CYP7B1: variants seen among roughly 807,000 people sequenced by gnomAD.
The protein encoded by CYP7B1 is cytochrome P450 7B1.
A neutral mutation model predicts 42.7 loss-of-function variants in CYP7B1; 29 were observed. That is an observed-to-expected ratio of 0.68 (90% CI 0.51 to 0.93). The LOEUF is 0.93. CYP7B1 is among the 40% of genes least tolerant of loss of function. CYP7B1 has a pLI of 0.00. For missense variants in CYP7B1, 655 were observed against 600.5 expected, an observed-to-expected ratio of 1.09 and a Z score of -0.95; for synonymous variants, 235 against 218.2, an observed-to-expected ratio of 1.08 and a Z score of -0.68.
chr8:64,629,138 A>C (rs564111654), intron 1 of CYP7B1, among the ~76,000 whole-genome samples: 29 of 151,446 alleles, frequency 1.9e-4, no homozygotes, highest in African/African-American at 7.0e-4. Flanking sequence ...GAGGCAGGAG[A>C]ATCGCTTGAA....
chr8:64,761,370 T>C (rs781162341), intron 1 of CYP7B1, among the ~76,000 whole-genome samples: 2 of 152,136 alleles, frequency 1.3e-5, no homozygotes, highest in African/African-American at 2.4e-5. Context: ...CGTGAACTGA[T>C]GTATATGTTA....
chr8:64,700,348 C>A (rs984828230), intron 1 of CYP7B1, among the ~76,000 whole-genome samples: 2 of 152,052 alleles, frequency 1.3e-5, no homozygotes, highest in Non-Finnish European at 2.9e-5. Flanking sequence ...CTGCACTTGT[C>A]CAGTGGCACA....
At chr8:64,663,710 T>C (rs1806233665) in intron 1 of CYP7B1, among the ~76,000 whole-genome samples, 1 of 152,094 alleles carries the variant, frequency 6.6e-6, no homozygotes, top group South Asian at 2.1e-4. Flanking sequence ...AAACTACAAA[T>C]AATATGCAGG....
At chr8:64,750,461 T>G (rs531613889) in intron 1 of CYP7B1, among the ~76,000 whole-genome samples, 1 of 152,320 alleles carries the variant, frequency 6.6e-6, no homozygotes, top group Admixed American at 6.5e-5. Flanking sequence ...CTTTGCTTCT[T>G]AGGGAAAAAT....
In CYP7B1 at chr8:64,596,924, A is replaced by C; in HGVS notation, c.1239T>G (p.Phe413Leu). ...DPEIFEAPEEFRYDRFIEDGK... is the reference protein window; with the variant it reads ...DPEIFEAPEELRYDRFIEDGK... ...CATCTTCTATAAAACGATCATATCT[A>C]AACTCCTGTAAGGAAGAATAGTGTT... Residue 413 changes from phenylalanine (F) to leucine (L), a missense_variant, in exon 6 of 6, where the codon TTT becomes TTG. Transcript: ENST00000310193. 1 of 1,606,918 alleles carries C rather than the reference A, an allele frequency of 6.2e-7. No homozygotes were observed. The highest frequency in any genetic ancestry group is 2.2e-5 in the East Asian group (1 of 44,830).
intron 1 of CYP7B1, among the ~76,000 whole-genome samples, chr8:64,742,985 G>T (rs1439001649): frequency 6.6e-6 from 1 of 151,706 alleles, no homozygotes; most frequent in Non-Finnish European, 1.5e-5. Flanking sequence ...TACAAATTTT[G>T]TATTGCTACT....
chr8:64,687,492 T>TA (rs914519353), intron 1 of CYP7B1, among the ~76,000 whole-genome samples: 18 of 152,140 alleles, frequency 1.2e-4, no homozygotes, highest in East Asian at 5.8e-4. Context: ...GAAAATGTTC[T>TA]AAAAAAAACC....
chr8:64,606,646 T>C (rs1464177730), intron 4 of CYP7B1, among the ~76,000 whole-genome samples: 1 of 152,204 alleles, frequency 6.6e-6, no homozygotes, highest in Non-Finnish European at 1.5e-5. Flanking sequence ...GCATATCTTA[T>C]GTAGAAGTTA....
intron 1 of CYP7B1, among the ~76,000 whole-genome samples, chr8:64,756,222 G>C (rs1447874319): frequency 6.6e-6 from 1 of 152,144 alleles, no homozygotes; most frequent in East Asian, 1.9e-4. Context: ...TCAATGTGGA[G>C]GCAGTTTGGG....
At position 64,624,544 on chromosome 8, in the gene CYP7B1, A is replaced by C. The variant is rs1805579565; in HGVS notation, c.123-5T>G. 6.2e-7 allele frequency: 1 copy of C among 1,612,268 alleles called. No homozygotes were observed. The highest frequency in any genetic ancestry group is 1.3e-5 in the African/African-American group (1 of 74,692). ...AATGGAGGCTCACCGGGTCTCCTAC[A>C]AGGAAAAAAAAAAAGATAAAAGAAC... On this transcript the variant is annotated splice_region_variant and splice_polypyrimidine_tract_variant and intron_variant, in intron 1 of 5. Transcript: ENST00000310193.
chr8:64,704,558 C>T lies in CYP7B1; in HGVS notation c.123-80019G>A, dbSNP rs138262148. Reference sequence around the variant, plus strand: ...TTCATTGATTCTAAGAACAGTAGCACATTTGTTTTTTACATCTTTGCCTCT... The same window carrying T: ...TTCATTGATTCTAAGAACAGTAGCATATTTGTTTTTTACATCTTTGCCTCT... On this transcript the variant is annotated intron_variant, in intron 1 of 5. Coordinates refer to ENST00000310193, the MANE Select transcript of CYP7B1 (RefSeq NM_004820.5). Among the ~76,000 whole-genome samples the T allele has an allele frequency of 1.3e-3, 202 of 152,096 alleles. 2 individuals are homozygous for T. Among genetic ancestry groups the T allele is most frequent in the Admixed American group, 3.9e-3 (59 of 15,240 alleles).
chr8:64,641,029 G>A lies in CYP7B1; in HGVS notation c.123-16490C>T, dbSNP rs1213805930. 3.9e-5 allele frequency among the ~76,000 whole-genome samples: 6 copies of A among 152,200 alleles called. No homozygotes were observed. In the East Asian group the frequency reaches 1.2e-3, roughly 29 times the overall value. ...AGCAAAGAGGCTGCTTAGCTTGAAA[G>A]GGAGTTTGGCACTTAGCCATTGTGA... On this transcript the variant is annotated intron_variant, in intron 1 of 5. Coordinates refer to ENST00000310193, the MANE Select transcript of CYP7B1 (RefSeq NM_004820.5).
At chr8:64,630,810 G>A (rs1268088014) in intron 1 of CYP7B1, among the ~76,000 whole-genome samples, 1 of 152,226 alleles carries the variant, frequency 6.6e-6, no homozygotes, top group Non-Finnish European at 1.5e-5. Context: ...CACTGGGCAT[G>A]ACCTGCTTTA....
intron 2 of CYP7B1, among the ~76,000 whole-genome samples, chr8:64,621,504 A>G (rs1024132643): frequency 4.6e-5 from 7 of 152,128 alleles, no homozygotes; most frequent in African/African-American, 1.7e-4. Flanking sequence ...AGCAAGATAA[A>G]GAAAACCCAG....
At position 64,596,652 on chromosome 8, in the gene CYP7B1, AC is replaced by A; in HGVS notation, c.1510del (p.Val504Ter). 6.2e-7 allele frequency: 1 copy of A among 1,612,540 alleles called. No homozygotes were observed. Among genetic ancestry groups the A allele is most frequent in the Non-Finnish European group, 8.5e-7 (1 of 1,179,182 alleles). On this transcript the variant is annotated frameshift_variant, in exon 6 of 6. Transcript: ENST00000310193. LOFTEE classifies it high-confidence loss of function. ...PDSDVLFRYK[V>X]KS Reference sequence around the variant, plus strand: ...TTCCTTTTAGCTTCTCTAAGATTTCACTTTGTATCTAAATAAAACATCAGAA... The same window carrying A: ...TTCCTTTTAGCTTCTCTAAGATTTCATTTGTATCTAAATAAAACATCAGAA...
At chr8:64,747,197 T>C (rs1265359974) in intron 1 of CYP7B1, among the ~76,000 whole-genome samples, 2 of 147,982 alleles carry the variant, frequency 1.4e-5, no homozygotes, top group Non-Finnish European at 3.0e-5. Context: ...ATACATACTA[T>C]ATATTTATAT....
intron 1 of CYP7B1, among the ~76,000 whole-genome samples, chr8:64,763,314 A>G (rs11786234): frequency 4.6e-5 from 7 of 152,218 alleles, no homozygotes; most frequent in East Asian, 1.9e-4. Flanking sequence ...TAATAGAGCT[A>G]TAACACTCAC....
At chr8:64,716,009 G>A (rs1015874781) in intron 1 of CYP7B1, among the ~76,000 whole-genome samples, 34 of 152,104 alleles carry the variant, frequency 2.2e-4, no homozygotes, top group Middle Eastern at 3.4e-3. Flanking sequence ...TTTAGTTTAT[G>A]CCTGTTTTTT....
chr8:64,721,221 T>A (rs981746146), intron 1 of CYP7B1, among the ~76,000 whole-genome samples: 1 of 152,088 alleles, frequency 6.6e-6, no homozygotes, highest in Non-Finnish European at 1.5e-5. Context: ...CACCTATCTT[T>A]GTCGAAATTA....
Sources: allele counts gnomAD v4.1 joint callset (sites outside exome capture counted in the v4.1 genomes callset), GRCh38; gene constraint gnomAD v4.1.1; transcripts MANE v1.5; gene names NCBI Gene and HGNC (gene_info 2026-07-23, HGNC 2026-07-21).